NXPE4: variants seen among roughly 807,000 people sequenced by gnomAD.
NXPE4 encodes the protein neurexophilin and PC-esterase domain family member 4.
A neutral mutation model predicts 33.3 loss-of-function variants in NXPE4; 42 were observed. The ratio of observed to expected loss-of-function variants is 1.26; its 90% CI spans 0.98 to 1.63. NXPE4 has a LOEUF of 1.63. Among genes scored for constraint, NXPE4 ranks in the 40% most tolerant of loss-of-function variants. The probability of loss-of-function intolerance (pLI) is 0.00; values close to 1 mark genes in which losing one functional copy is unlikely to be tolerated. For missense variants in NXPE4, 709 were observed against 647.6 expected, an observed-to-expected ratio of 1.09 and a Z score of -1.03; for synonymous variants, 253 against 234.9, an observed-to-expected ratio of 1.08 and a Z score of -0.71.
chr11:114,635,560 C>T, the NXPE4 span, among the ~76,000 whole-genome samples: 2 of 151,980 alleles, frequency 1.3e-5, no homozygotes, highest in Non-Finnish European at 2.9e-5. Context: ...AAAGGGAATG[C>T]TTCCAGTTTT....
chr11:114,585,547 A>C (rs1949272453), intron 2 of NXPE4, among the ~76,000 whole-genome samples: 1 of 152,188 alleles, frequency 6.6e-6, no homozygotes. Flanking sequence ...GTCATTATGT[A>C]ATAATAAAGA....
At chr11:114,663,561 A>G in the NXPE4 span, among the ~76,000 whole-genome samples, 1 of 151,190 alleles carries the variant, frequency 6.6e-6, no homozygotes, top group Non-Finnish European at 1.5e-5. Flanking sequence ...TCTCCTGTCT[A>G]TCTCTATCTA....
chr11:114,639,882 A>ATAT, the NXPE4 span, among the ~76,000 whole-genome samples: 1 of 51,702 alleles, frequency 1.9e-5, no homozygotes, highest in Non-Finnish European at 3.2e-5. Flanking sequence ...TAAATATAAA[A>ATAT]TATGTTATAT....
At chr11:114,633,960 C>T in the NXPE4 span, among the ~76,000 whole-genome samples, 5 of 152,008 alleles carry the variant, frequency 3.3e-5, no homozygotes, top group South Asian at 2.1e-4. Context: ...TGATTTATAG[C>T]CCTTTGGGTA....
chr11:114,619,310 C>G, the NXPE4 span, among the ~76,000 whole-genome samples: 1 of 140,472 alleles, frequency 7.1e-6, no homozygotes, highest in African/African-American at 2.7e-5. Flanking sequence ...AACCACTGTT[C>G]CCCGCTGGAT....
Position 114,582,865 on chromosome 11 carries a change from G to T in NXPE4, c.253C>A (p.Pro85Thr). Reference sequence around the variant, plus strand: ...GTGTTCACGTGGGTGAAAGGTCTGGGTGGGATCTGCTGATCTAGTTTCTCT... The same window carrying T: ...GTGTTCACGTGGGTGAAAGGTCTGGTTGGGATCTGCTGATCTAGTTTCTCT... ...IIEKLDQQIP[P>T]RPFTHVNTTT... Residue 85 changes from proline to threonine, a missense_variant, in exon 3 of 6, where the codon CCC becomes ACC. By Grantham distance (38) the Pro-to-Thr change is conservative. Transcript: ENST00000375478. 6.2e-7 allele frequency: 1 copy of T among 1,614,200 alleles called. No individual in the cohort carries two copies. Among genetic ancestry groups the T allele is most frequent in the Non-Finnish European group, 8.5e-7 (1 of 1,180,010 alleles).
the NXPE4 span, among the ~76,000 whole-genome samples, chr11:114,631,964 G>A: frequency 6.0e-5 from 9 of 149,860 alleles, no homozygotes; most frequent in African/African-American, 1.5e-4. Flanking sequence ...CTACTATTAC[G>A]TACTGGATAA....
At chr11:114,612,774 A>AC in the NXPE4 span, among the ~76,000 whole-genome samples, 110 of 152,114 alleles carry the variant, frequency 7.2e-4, no homozygotes, top group African/African-American at 2.6e-3. Flanking sequence ...GTGGGTAACC[A>AC]CTGTTACCTG....
chr11:114,635,917 T>G, the NXPE4 span, among the ~76,000 whole-genome samples: 2 of 152,104 alleles, frequency 1.3e-5, no homozygotes, highest in African/African-American at 4.8e-5. Context: ...GATATTGGTC[T>G]AAAATTCTCT....
At chr11:114,603,971 C>A in the NXPE4 span, among the ~76,000 whole-genome samples, 1 of 151,082 alleles carries the variant, frequency 6.6e-6, no homozygotes, top group Non-Finnish European at 1.5e-5. Flanking sequence ...ACTACTATTA[C>A]CTGGTGGATA....
At chr11:114,579,078 T>TGTAC (rs1199315052) in intron 5 of NXPE4, among the ~76,000 whole-genome samples, 4 of 152,168 alleles carry the variant, frequency 2.6e-5, no homozygotes, top group Non-Finnish European at 5.9e-5. Flanking sequence ...TCTTGCAGGC[T>TGTAC]GTACAAGCAT....
chr11:114,622,548 T>C, the NXPE4 span, among the ~76,000 whole-genome samples: 3 of 152,116 alleles, frequency 2.0e-5, no homozygotes, highest in Non-Finnish European at 4.4e-5. Context: ...CTGTGGATAA[T>C]AGGTATTGCC....
the NXPE4 span, among the ~76,000 whole-genome samples, chr11:114,644,825 TA>T: frequency 9.1e-3 from 1,314 of 145,180 alleles, 6 homozygotes; most frequent in Middle Eastern, 0.014. Flanking sequence ...GATATCAATT[TA>T]AAAAAAAAAA....
chr11:114,654,070 T>C, the NXPE4 span, among the ~76,000 whole-genome samples: 3 of 152,016 alleles, frequency 2.0e-5, no homozygotes, highest in African/African-American at 7.2e-5. Context: ...TGATACAAAG[T>C]GGTGAAGGTA....
At chr11:114,639,731 A>C in the NXPE4 span, among the ~76,000 whole-genome samples, 2 of 127,228 alleles carry the variant, frequency 1.6e-5, no homozygotes, top group African/African-American at 2.9e-5. Flanking sequence ...TAGTAATATA[A>C]TATAAAATAA....
At chr11:114,672,915 CAGTA>C in the NXPE4 span, among the ~76,000 whole-genome samples, 24 of 151,358 alleles carry the variant, frequency 1.6e-4, no homozygotes, top group African/African-American at 5.6e-4. Flanking sequence ...GACAGAATAA[CAGTA>C]AGAAAAAACT....
chr11:114,576,475 A>G (rs576407652), intron 5 of NXPE4, among the ~76,000 whole-genome samples: 68 of 152,296 alleles, frequency 4.5e-4, no homozygotes, highest in Non-Finnish European at 1.6e-4. Context: ...CATATCCAGA[A>G]TCTACAAAGA....
At chr11:114,614,742 T>A in the NXPE4 span, among the ~76,000 whole-genome samples, 17 of 151,846 alleles carry the variant, frequency 1.1e-4, no homozygotes, top group African/African-American at 4.1e-4. Context: ...GTAACCAGTG[T>A]TACCCAGTGG....
At position 114,581,755 on chromosome 11, in the gene NXPE4, A is replaced by G. The variant is rs1332078440; in HGVS notation, c.862T>C (p.Phe288Leu). The change falls in exon 4 of 6, where the codon TTC (phenylalanine) becomes CTC (leucine). Residue 288 changes from phenylalanine to leucine, a missense_variant. Coordinates refer to ENST00000375478, the MANE Select transcript of NXPE4 (RefSeq NM_001077639.2). Reference sequence around the variant, plus strand: ...CATTTGGAGACACTAATTGTATTGAATTTTTCCATAATCTCTACACCCACA... The same window carrying G: ...CATTTGGAGACACTAATTGTATTGAGTTTTTCCATAATCTCTACACCCACA... ...SNVGVEIMEK[F>L]NTISVSKCNK... is the part of the protein sequence containing the mutation. The G allele has an allele frequency of 1.2e-6, 2 of 1,611,798 alleles. No individual in the cohort carries two copies. The highest frequency in any genetic ancestry group is 1.7e-6 in the Non-Finnish European group (2 of 1,178,930).
Sources: gnomAD v4.1 joint callset for allele counts (sites outside exome capture counted in the v4.1 genomes callset) on GRCh38, gnomAD v4.1.1 for gene constraint, MANE v1.5 for transcripts, NCBI Gene and HGNC (gene_info 2026-07-23, HGNC 2026-07-21) for gene names.